Variants in SYT2 observed in about 807,000 individuals in gnomAD.
SYT2 encodes the protein synaptotagmin 2, also known as synaptotagmin-2.
A neutral mutation model predicts 39.9 loss-of-function variants in SYT2; 15 were observed. The ratio of observed to expected loss-of-function variants is 0.38; its 90% CI spans 0.25 to 0.58. The LOEUF (loss-of-function observed/expected upper bound fraction) is 0.58. Among genes scored for constraint, SYT2 ranks in the 20% least tolerant of loss-of-function variants. The probability of loss-of-function intolerance (pLI) is 0.70; values close to 1 mark genes in which losing one functional copy is unlikely to be tolerated. For missense variants in SYT2, 389 were observed against 530.3 expected (o/e 0.73, Z 2.62); for synonymous variants, 181 against 204.5 (o/e 0.89, Z 0.98).
chr1:202,675,730 C>A (rs1003067711), intron 1 of SYT2, among the ~76,000 whole-genome samples: 7 of 152,144 alleles, frequency 4.6e-5, no homozygotes, highest in African/African-American at 1.7e-4. Flanking sequence ...CACCTTACCC[C>A]ATTTCCTCTA....
chr1:202,643,339 GCGGGGA>G (rs1006671883), intron 1 of SYT2: 4 of 148,738 alleles, frequency 2.7e-5, no homozygotes, highest in African/African-American at 1.0e-4. Flanking sequence ...GGGGGCGGGG[GCGGGGA>G]CAGCTGGGGT....
rs1317634055 is a variant in SYT2 at position 202,594,765 on chromosome 1, CAAAG to C, written c.*1988_*1991del. The C allele has an allele frequency of 6.6e-6, 1 of 151,370 alleles. No individual in the cohort carries two copies. Among genetic ancestry groups the C allele is most frequent in the Non-Finnish European group, 1.5e-5 (1 of 67,920 alleles). 9.4% of individuals were successfully genotyped at this position (151,370 alleles called of 1,614,324 possible). A position where few individuals can be genotyped will look rare whatever the true frequency, so the allele number is the denominator to read the frequency against. On this transcript the variant is annotated 3_prime_UTR_variant, in exon 9 of 9. Coordinates refer to ENST00000367268, the MANE Select transcript of SYT2 (RefSeq NM_177402.5). The stretch of plus-strand genomic sequence containing the variant: ...AACTTCCCATGTACCACTAACAAGA[CAAAG>C]AAGGATCTCCAAGAGACAGGCAGGC...
At chr1:202,648,841 T>C (rs1463277288) in intron 1 of SYT2, among the ~76,000 whole-genome samples, 2 of 152,214 alleles carry the variant, frequency 1.3e-5, no homozygotes, top group African/African-American at 2.4e-5. Flanking sequence ...CAACAGGGCT[T>C]GAGGTCAGAC....
intron 1 of SYT2, among the ~76,000 whole-genome samples, chr1:202,609,759 T>G (rs1245738130): frequency 1.3e-5 from 2 of 152,208 alleles, no homozygotes; most frequent in Admixed American, 6.5e-5. Context: ...TAAATTTGTT[T>G]GAGTTCATTG....
chr1:202,696,132 C>G (rs574663354), intron 1 of SYT2, among the ~76,000 whole-genome samples: 1 of 152,184 alleles, frequency 6.6e-6, no homozygotes, highest in Non-Finnish European at 1.5e-5. Context: ...GGATGGAACA[C>G]AGAAAAGAGA....
At chr1:202,670,313 G>C (rs1162120055) in intron 1 of SYT2, among the ~76,000 whole-genome samples, 3 of 152,164 alleles carry the variant, frequency 2.0e-5, no homozygotes, top group Non-Finnish European at 4.4e-5. Flanking sequence ...GACAGCATGG[G>C]ATTGCAGGAT....
At chr1:202,597,453 G>T (rs897736906) in intron 8 of SYT2, among the ~76,000 whole-genome samples, 5 of 152,144 alleles carry the variant, frequency 3.3e-5, no homozygotes, top group Admixed American at 3.3e-4. Context: ...AGAAGGAAGA[G>T]GATTCCAGGA....
At chr1:202,696,792 C>G (rs1336640838) in intron 1 of SYT2, among the ~76,000 whole-genome samples, 1 of 152,218 alleles carries the variant, frequency 6.6e-6, no homozygotes, top group African/African-American at 2.4e-5. Context: ...AATTTTCCTT[C>G]TCTACAGAAC....
chr1:202,660,160 T>A (rs1692351047), intron 1 of SYT2, among the ~76,000 whole-genome samples: 2 of 152,066 alleles, frequency 1.3e-5, no homozygotes, highest in African/African-American at 2.4e-5. Flanking sequence ...GAGACCTGAG[T>A]TAGCCACAAG....
At chr1:202,616,158 C>T (rs1200982011) in intron 1 of SYT2, among the ~76,000 whole-genome samples, 1 of 152,134 alleles carries the variant, frequency 6.6e-6, no homozygotes, top group East Asian at 1.9e-4. Context: ...TCCCTCACAC[C>T]CCTCCTCTCT....
intron 1 of SYT2, among the ~76,000 whole-genome samples, chr1:202,698,833 C>G (rs1310652330): frequency 1.3e-5 from 2 of 152,076 alleles, no homozygotes; most frequent in African/African-American, 4.8e-5. Flanking sequence ...ATTGTACTTT[C>G]CAGCAGACAA....
intron 1 of SYT2, among the ~76,000 whole-genome samples, chr1:202,701,328 C>A (rs1654115959): frequency 6.6e-6 from 1 of 152,170 alleles, no homozygotes; most frequent in Non-Finnish European, 1.5e-5. Context: ...GGAAAAATGG[C>A]TAGTTCAGCC....
Position 202,599,974 on chromosome 1 carries a change from A to G in SYT2, c.919+383T>C, listed in dbSNP as rs1189222890. Among the ~76,000 whole-genome samples, 3 of 152,190 alleles carry G rather than the reference A, an allele frequency of 2.0e-5. No homozygotes were observed. The highest frequency in any genetic ancestry group is 4.4e-5 in the Non-Finnish European group (3 of 68,040). The stretch of plus-strand genomic sequence containing the variant: ...TCCCTTGCCTCACCCTCCCCTTTCC[A>G]GGGCAGAGCCAGCAGAGCCTACAGC... On this transcript the variant is annotated intron_variant, in intron 7 of 8. Transcript: ENST00000367268. The surrounding 1 kb of genome is among the most constrained non-coding windows in gnomAD (Gnocchi z 4.4).
At chr1:202,678,274 A>C (rs1303019442) in intron 1 of SYT2, among the ~76,000 whole-genome samples, 1 of 84,526 alleles carries the variant, frequency 1.2e-5, no homozygotes, top group Admixed American at 1.3e-4. Flanking sequence ...ACTCTGTCTC[A>C]AAAAAAAAAA....
chr1:202,673,966 C>T (rs796717629), intron 1 of SYT2, among the ~76,000 whole-genome samples: 10 of 152,074 alleles, frequency 6.6e-5, no homozygotes, highest in African/African-American at 2.4e-4. Context: ...CCTGCCGTTA[C>T]ATACATGTGA....
At chr1:202,634,478 A>G (rs1462425033) in intron 1 of SYT2, among the ~76,000 whole-genome samples, 1 of 152,056 alleles carries the variant, frequency 6.6e-6, no homozygotes, top group African/African-American at 2.4e-5. Flanking sequence ...GGGCAACAAG[A>G]GTGAAACTCC....
chr1:202,678,747 C>T (rs943159170), intron 1 of SYT2, among the ~76,000 whole-genome samples: 1 of 152,134 alleles, frequency 6.6e-6, no homozygotes, highest in African/African-American at 2.4e-5. Flanking sequence ...TTGCCTCTCC[C>T]ATCTACAGAT....
At chr1:202,603,172 C>G (rs2149069789) in intron 3 of SYT2, 54 bp from the exon 4 acceptor site, 1 of 1,608,180 alleles carries the variant, frequency 6.2e-7, no homozygotes, top group South Asian at 1.1e-5. Flanking sequence ...ACCGAGAAGT[C>G]TGGCTTAGCA....
chr1:202,664,955 G>A (rs893967260), intron 1 of SYT2, among the ~76,000 whole-genome samples: 3 of 152,222 alleles, frequency 2.0e-5, no homozygotes, highest in East Asian at 1.9e-4. Context: ...CACTGCACCC[G>A]GACTTCTCAG....
Sources: gnomAD v4.1 joint callset for allele counts (sites outside exome capture counted in the v4.1 genomes callset) on GRCh38, gnomAD v4.1.1 for gene constraint, Gnocchi (gnomAD v3.1) non-coding constraint, MANE v1.5 for transcripts, NCBI Gene and HGNC (gene_info 2026-07-23, HGNC 2026-07-21) for gene names.